NPLOC4: variants seen among roughly 807,000 people sequenced by gnomAD.
NPLOC4 encodes NPL4 homolog, ubiquitin recognition factor.
A neutral mutation model predicts 80.6 loss-of-function variants in NPLOC4; 18 were observed. That is an observed-to-expected ratio of 0.22 (90% CI 0.15 to 0.33). NPLOC4 has a LOEUF of 0.33. Among genes scored for constraint, NPLOC4 ranks in the 10% least tolerant of loss-of-function variants. The probability of loss-of-function intolerance (pLI) is 1.00; values close to 1 mark genes in which losing one functional copy is unlikely to be tolerated. For synonymous variants in NPLOC4, 313 were observed against 301.5 expected, an observed-to-expected ratio of 1.04 and a Z score of -0.39; for missense variants, 540 against 786.1, an observed-to-expected ratio of 0.69 and a Z score of 3.74.
At chr17:81,614,496 C>T (rs1003686465) in intron 3 of NPLOC4, 3 of 151,098 alleles carry the variant, frequency 2.0e-5, no homozygotes, top group African/African-American at 7.3e-5. Context: ...CACCACCCCC[C>T]AAAAAGGCCC....
At chr17:81,592,509 G>T (rs1457124063) in intron 11 of NPLOC4, among the ~76,000 whole-genome samples, 1 of 152,054 alleles carries the variant, frequency 6.6e-6, no homozygotes, top group Non-Finnish European at 1.5e-5. Flanking sequence ...TTATCTCTCA[G>T]TTCTAAAACC....
At chr17:81,594,082 G>A (rs2034821723) in intron 11 of NPLOC4, among the ~76,000 whole-genome samples, 1 of 151,676 alleles carries the variant, frequency 6.6e-6, no homozygotes, top group Non-Finnish European at 1.5e-5. Context: ...GACCATCCTG[G>A]CTAACACGGT....
intron 12 of NPLOC4, among the ~76,000 whole-genome samples, chr17:81,578,906 T>C (rs186633626): frequency 6.6e-6 from 1 of 152,380 alleles, no homozygotes; most frequent in African/African-American, 2.4e-5. Flanking sequence ...ACATTTCATT[T>C]CATATTTAAA....
chr17:81,570,229 T>C (rs1264387538), intron 13 of NPLOC4, among the ~76,000 whole-genome samples: 1 of 152,228 alleles, frequency 6.6e-6, no homozygotes. Context: ...ACGTGTCGGC[T>C]ACATGGCCTC....
At chr17:81,630,001 A>G (rs1168589739) in intron 1 of NPLOC4, 196 bp from the exon 2 acceptor site, 3 of 520,420 alleles carry the variant, frequency 5.8e-6, no homozygotes, top group Non-Finnish European at 1.0e-5. Flanking sequence ...ATATGGGGAG[A>G]TATTTTAAGA....
At chr17:81,560,825 C>T (rs1440388874) in intron 16 of NPLOC4, 1 of 152,220 alleles carries the variant, frequency 6.6e-6, no homozygotes, top group Non-Finnish European at 1.5e-5. Context: ...GCCTCCCACT[C>T]GCAAGGTACG....
chr17:81,564,083 A>AAC lies in NPLOC4; in HGVS notation c.1669+1420_1669+1421dup, dbSNP rs58774657. ...GAGACAGGGTGAGGCTCCAGCTCAA[A>AAC]ACACACACACACACACACACACACA... On this transcript the variant is annotated intron_variant, in intron 16 of 16. Transcript: ENST00000331134. 1,565 of 274,720 alleles carry AAC rather than the reference A, an allele frequency of 5.7e-3. 15 individuals are homozygous for AAC. Among genetic ancestry groups the AAC allele is most frequent in the East Asian group, 0.035 (295 of 8,412 alleles). 17.0% of individuals were successfully genotyped at this position (274,720 alleles called of 1,614,324 possible).
At chr17:81,574,890 C>CAA (rs1240940535) in intron 12 of NPLOC4, among the ~76,000 whole-genome samples, 1 of 152,138 alleles carries the variant, frequency 6.6e-6, no homozygotes, top group Non-Finnish European at 1.5e-5. Flanking sequence ...CACACACACA[C>CAA]ACACACACAC....
chr17:81,636,489 G>C (rs1174927549), intron 1 of NPLOC4: 1 of 157,680 alleles, frequency 6.3e-6, no homozygotes, highest in Non-Finnish European at 1.4e-5. Context: ...CTGGGAAGCG[G>C]GAGAGCAGGA....
At chr17:81,622,131 C>A in intron 3 of NPLOC4, 35 bp downstream of exon 3, 1 of 1,499,484 alleles carries the variant, frequency 6.7e-7, no homozygotes, top group Non-Finnish European at 9.3e-7. Flanking sequence ...CCTCATTTCC[C>A]CCCATTCCCT....
At chr17:81,584,603 G>C (rs1285153794) in intron 12 of NPLOC4, among the ~76,000 whole-genome samples, 1 of 152,208 alleles carries the variant, frequency 6.6e-6, no homozygotes, top group Non-Finnish European at 1.5e-5. Context: ...GAAAAGCCCA[G>C]AGAATGAGAA....
At chr17:81,595,751 C>G (rs1174280730) in intron 11 of NPLOC4, among the ~76,000 whole-genome samples, 1 of 151,850 alleles carries the variant, frequency 6.6e-6, no homozygotes, top group Admixed American at 6.6e-5. Context: ...GCTATGTTGG[C>G]CAGGCTGATC....
At chr17:81,627,490 AG>A (rs2035826267) in intron 2 of NPLOC4, among the ~76,000 whole-genome samples, 2 of 152,114 alleles carry the variant, frequency 1.3e-5, no homozygotes, top group African/African-American at 2.4e-5. Flanking sequence ...CTGTAACCCC[AG>A]CACTTTGGGA....
rs565778782 is a variant in NPLOC4, at chr17:81,559,493, G to A, written c.1670-77C>T. 3.2e-5 allele frequency: 48 copies of A among 1,482,088 alleles called. No individual in the cohort carries two copies. In the East Asian group the frequency reaches 4.2e-4, roughly 13 times the overall value. 91.8% of individuals were successfully genotyped at this position (1,482,088 alleles called of 1,614,324 possible). On this transcript the variant is annotated intron_variant, in intron 16 of 16. Coordinates refer to ENST00000331134, the MANE Select transcript of NPLOC4 (RefSeq NM_017921.4). ...TGCCAGAGTGTGGGCATGGGGGCAGGGGCAGGCAGCTGAGAGCTCCCCGCC... is the reference window on the plus strand; with the variant it reads ...TGCCAGAGTGTGGGCATGGGGGCAGAGGCAGGCAGCTGAGAGCTCCCCGCC...
At chr17:81,574,297 C>T (rs1433208914) in intron 12 of NPLOC4, among the ~76,000 whole-genome samples, 1 of 152,076 alleles carries the variant, frequency 6.6e-6, no homozygotes, top group African/African-American at 2.4e-5. Flanking sequence ...TTTTTTGTGT[C>T]ATGCTATTCT....
At chr17:81,620,582 C>T (rs1321660516) in intron 3 of NPLOC4, among the ~76,000 whole-genome samples, 1 of 152,184 alleles carries the variant, frequency 6.6e-6, no homozygotes. Flanking sequence ...TATCCCCAGA[C>T]CTGCTTGGTG....
chr17:81,559,772 A>C (rs1426783501), intron 16 of NPLOC4, among the ~76,000 whole-genome samples: 1 of 122,958 alleles, frequency 8.1e-6, no homozygotes, highest in African/African-American at 3.2e-5. Flanking sequence ...TTGCTCTGTC[A>C]CCCAGGCTGG....
At chr17:81,565,151 A>G (rs1310625035) in intron 16 of NPLOC4, 1 of 598,746 alleles carries the variant, frequency 1.7e-6, no homozygotes, top group Non-Finnish European at 3.0e-6. Context: ...CAAGGAGACC[A>G]AAAGGTCCCA....
intron 7 of NPLOC4, among the ~76,000 whole-genome samples, chr17:81,606,304 C>T (rs969573604): frequency 3.9e-4 from 59 of 152,170 alleles, no homozygotes; most frequent in African/African-American, 1.2e-3. Flanking sequence ...AAGGCCGGAA[C>T]GCTCCCTCCT....
Sources: gnomAD v4.1 joint callset for allele counts (sites outside exome capture counted in the v4.1 genomes callset) on GRCh38, gnomAD v4.1.1 for gene constraint, MANE v1.5 for transcripts, NCBI Gene and HGNC (gene_info 2026-07-23, HGNC 2026-07-21) for gene names.